The following PACS1 variants were observed in gnomAD, a reference collection of about 807,000 sequenced individuals.
PACS1 encodes PACS-1.
A neutral mutation model predicts 115.0 loss-of-function variants in PACS1; 24 were observed. That is an observed-to-expected ratio of 0.21 (90% CI 0.15 to 0.29). PACS1 has a LOEUF of 0.29. PACS1 is among the 10% of genes least tolerant of loss of function. The pLI is 1.00. For synonymous variants in PACS1, 453 were observed against 504.5 expected, an observed-to-expected ratio of 0.90 and a Z score of 1.37; for missense variants, 838 against 1,251.2, an observed-to-expected ratio of 0.67 and a Z score of 4.98.
intron 1 of PACS1, among the ~76,000 whole-genome samples, chr11:66,161,293 TA>T (rs1029870691): frequency 6.6e-6 from 1 of 150,446 alleles, no homozygotes; most frequent in Non-Finnish European, 1.5e-5. Context: ...TGAAAGGCAC[TA>T]AAAAAAAATT....
chr11:66,139,173 AGCCCGAAATATATAAAT>A (rs998104064), intron 1 of PACS1, among the ~76,000 whole-genome samples: 1 of 152,148 alleles, frequency 6.6e-6, no homozygotes, highest in Admixed American at 6.5e-5. Flanking sequence ...GTGGTGGCTA[AGCCCGAAATATATAAAT>A]TTTTAATTTT....
chr11:66,208,059 C>G (rs1245507627), intron 2 of PACS1, among the ~76,000 whole-genome samples: 1 of 152,114 alleles, frequency 6.6e-6, no homozygotes, highest in Non-Finnish European at 1.5e-5. Context: ...GCCACCACAC[C>G]CAGGCTTCTG....
chr11:66,099,309 C>T (rs1044349885), intron 1 of PACS1, among the ~76,000 whole-genome samples: 7 of 152,258 alleles, frequency 4.6e-5, no homozygotes, highest in Middle Eastern at 3.4e-3. Context: ...CTACAAGCTC[C>T]GCCTCCCAGG....
rs192431139 is a variant in PACS1 at position 66,135,439 on chromosome 11, C to T, written c.357-58047C>T. 1.0e-3 allele frequency among the ~76,000 whole-genome samples: 152 copies of T among 152,298 alleles called. 1 individual carries two copies. The highest frequency in any genetic ancestry group is 3.3e-3 in the African/African-American group (139 of 41,558). On this transcript the variant is annotated intron_variant, in intron 1 of 23. Transcript: ENST00000320580. ...TCTTTATGGGTTTTTGTTAGCTCCT[C>T]AGCTTTCTCCAACTAAAATTGCTTT...
intron 1 of PACS1, among the ~76,000 whole-genome samples, chr11:66,079,580 TAGTGGCAGTTCAG>T (rs1205121010): frequency 6.6e-6 from 1 of 152,146 alleles, no homozygotes; most frequent in Non-Finnish European, 1.5e-5. Flanking sequence ...AAGTAACCAC[TAGTGGCAGTTCAG>T]AGTGATATTT....
Position 66,216,512 on chromosome 11 carries a change from T to C in PACS1, c.806-8T>C. The C allele has an allele frequency of 6.2e-7, 1 of 1,609,464 alleles. No individual in the cohort carries two copies. Among genetic ancestry groups the C allele is most frequent in the Non-Finnish European group, 8.5e-7 (1 of 1,175,696 alleles). ...TGCAAGGTTATCTTACTCAGGTGTC[T>C]GTTGCAGATCGTTCTCCTGATATTG... On this transcript the variant is annotated splice_polypyrimidine_tract_variant and splice_region_variant and intron_variant, in intron 5 of 23. Coordinates refer to ENST00000320580, the MANE Select transcript of PACS1 (RefSeq NM_018026.4).
intron 1 of PACS1, among the ~76,000 whole-genome samples, chr11:66,144,209 G>A (rs555549660): frequency 4.6e-5 from 7 of 152,296 alleles, no homozygotes; most frequent in African/African-American, 1.7e-4. Flanking sequence ...ATCAAAGAAT[G>A]AGAAGACTAA....
At chr11:66,152,725 C>G (rs1448680544) in intron 1 of PACS1, among the ~76,000 whole-genome samples, 2 of 152,152 alleles carry the variant, frequency 1.3e-5, no homozygotes, top group African/African-American at 4.8e-5. Context: ...CGTCTCTGAA[C>G]TTGCATGGGG....
chr11:66,095,932 C>CT (rs1018932767), intron 1 of PACS1, among the ~76,000 whole-genome samples: 48 of 146,344 alleles, frequency 3.3e-4, no homozygotes, highest in East Asian at 7.9e-4. Context: ...GTAATTTCTT[C>CT]TTTTTTTTTT....
At chr11:66,119,294 A>AT (rs1414708245) in intron 1 of PACS1, among the ~76,000 whole-genome samples, 1 of 152,214 alleles carries the variant, frequency 6.6e-6, no homozygotes, top group Non-Finnish European at 1.5e-5. Flanking sequence ...ATTATATGAA[A>AT]TTCAAATTTC....
In PACS1 at chr11:66,118,730, C is replaced by T. The variant is rs1858366673; in HGVS notation, c.356+47888C>T. 5.5e-5 allele frequency among the ~76,000 whole-genome samples: 7 copies of T among 128,334 alleles called. No homozygotes were observed. In the South Asian group the frequency reaches 1.6e-3, roughly 30 times the overall value. The allele number at this position is 128,334 out of a possible 152,430, so 84.2% of individuals were successfully genotyped here. On this transcript the variant is annotated intron_variant, in intron 1 of 23. Coordinates refer to ENST00000320580, the MANE Select transcript of PACS1 (RefSeq NM_018026.4). ...TCACCTGAGCTCAGGAGTTTAAGAC[C>T]AGCCTGGGCTTAGGCAACATGGCGA...
chr11:66,243,070 G>A, intron 23 of PACS1, 39 bp downstream of exon 23: 1 of 1,613,156 alleles, frequency 6.2e-7, no homozygotes, highest in African/African-American at 1.3e-5. Flanking sequence ...GGCAAGAAAG[G>A]GACTGGAGAG....
rs1222433036 is a variant in PACS1, at chr11:66,230,588, G to C, written c.1415G>C (p.Ser472Thr). 6.2e-7 allele frequency: 1 copy of C among 1,614,144 alleles called. No homozygotes were observed. The highest frequency in any genetic ancestry group is 2.2e-5 in the East Asian group (1 of 44,888). ...GACATGTTTGGAGATGCCAGCACGAGTCTGGTTGTGCCGGAGAAAGTCAAA... is the reference window on the plus strand; with the variant it reads ...GACATGTTTGGAGATGCCAGCACGACTCTGGTTGTGCCGGAGAAAGTCAAA... ...DQDMFGDAST[S>T]LVVPEKVKTP... Residue 472 changes from serine to threonine, a missense_variant, in exon 12 of 24, where the codon AGT (serine) becomes ACT (threonine). Ser to Thr is a moderately conservative substitution (Grantham distance 58). Around this residue, in one of 6 missense-constraint regions of PACS1, gnomAD observed 383 missense variants for 537.0 expected, o/e 0.71. Coordinates refer to ENST00000320580, the MANE Select transcript of PACS1 (RefSeq NM_018026.4).
chr11:66,196,082 G>T (rs1459326047), intron 2 of PACS1, among the ~76,000 whole-genome samples: 1 of 152,064 alleles, frequency 6.6e-6, no homozygotes, highest in Non-Finnish European at 1.5e-5. Flanking sequence ...AAGATAAAAG[G>T]GCTGGGCACA....
chr11:66,113,861 A>C (rs1858242313), intron 1 of PACS1, among the ~76,000 whole-genome samples: 1 of 152,092 alleles, frequency 6.6e-6, no homozygotes, highest in East Asian at 1.9e-4. Context: ...TTCTTCCTTT[A>C]TTAATACATT....
chr11:66,102,201 T>C (rs1252486105), intron 1 of PACS1, among the ~76,000 whole-genome samples: 1 of 152,144 alleles, frequency 6.6e-6, no homozygotes, highest in Non-Finnish European at 1.5e-5. Flanking sequence ...GCCCCTTTTA[T>C]GTTACAGAGG....
intron 1 of PACS1, among the ~76,000 whole-genome samples, chr11:66,155,821 CG>C (rs1326361333): frequency 6.6e-6 from 1 of 152,016 alleles, no homozygotes; most frequent in African/African-American, 2.4e-5. Context: ...GGAAACAATC[CG>C]GGGGCTCATC....
intron 10 of PACS1, among the ~76,000 whole-genome samples, chr11:66,222,377 G>T (rs944432898): frequency 1.3e-4 from 20 of 152,158 alleles, no homozygotes; most frequent in African/African-American, 4.6e-4. Context: ...AGGGGAAAAG[G>T]GGGCATGTAC....
rs572627963 is a variant in PACS1, at chr11:66,243,451, C to G, written c.*171C>G. ...GCCACAGGGACGCCTTCCCTCCCCT[C>G]CCCTCCAGCCCACCCCTGCACAGCC... is the stretch of plus-strand genomic sequence containing the variant. On this transcript the variant is annotated 3_prime_UTR_variant, in exon 24 of 24. Coordinates refer to ENST00000320580, the MANE Select transcript of PACS1 (RefSeq NM_018026.4). The G allele has an allele frequency of 1.7e-6, 1 of 602,512 alleles. No individual in the cohort carries two copies. Among genetic ancestry groups the G allele is most frequent in the South Asian group, 1.9e-5 (1 of 52,584 alleles). 37.3% of individuals were successfully genotyped at this position (602,512 alleles called of 1,614,324 possible).
Sources: gnomAD v4.1 joint callset for allele counts (sites outside exome capture counted in the v4.1 genomes callset) on GRCh38, gnomAD v4.1.1 for gene constraint, gnomAD v4.1.1 regional missense constraint, MANE v1.5 for transcripts, NCBI Gene and HGNC (gene_info 2026-07-23, HGNC 2026-07-21) for gene names.